RIMBP2: variants seen among roughly 807,000 people sequenced by gnomAD.
The protein encoded by RIMBP2 is RIMS-binding protein 2.
RIMBP2 carries 48 observed loss-of-function variants against 118.6 expected under a neutral mutation model. The ratio of observed to expected loss-of-function variants is 0.40; its 90% confidence interval spans 0.32 to 0.51. The LOEUF is 0.51. Among genes scored for constraint, RIMBP2 ranks in the 20% least tolerant of loss-of-function variants. RIMBP2 has a pLI of 0.41. For missense variants in RIMBP2, 1,551 were observed against 1,768.3 expected (o/e 0.88, Z 2.20); for synonymous variants, 762 against 742.9 (o/e 1.03, Z -0.42).
chr12:130,465,292 A>C (rs2080360738), intron 6 of RIMBP2: 1 of 152,254 alleles, frequency 6.6e-6, no homozygotes, highest in South Asian at 2.1e-4. Flanking sequence ...CTGAGGTTCA[A>C]TGCCTCGCTC....
chr12:130,583,463 C>G (rs1383153007), intron 2 of RIMBP2, among the ~76,000 whole-genome samples: 2 of 125,676 alleles, frequency 1.6e-5, no homozygotes, highest in African/African-American at 5.2e-5. Context: ...CTATCATGAC[C>G]ATTACATCAC....
intron 2 of RIMBP2, among the ~76,000 whole-genome samples, chr12:130,627,992 G>C (rs1189875434): frequency 6.6e-6 from 1 of 152,178 alleles, no homozygotes; most frequent in Non-Finnish European, 1.5e-5. Context: ...TTGAGATTTA[G>C]AATCAATACC....
chr12:130,464,849 C>G (rs2080318136), intron 6 of RIMBP2, among the ~76,000 whole-genome samples: 1 of 152,248 alleles, frequency 6.6e-6, no homozygotes, highest in African/African-American at 2.4e-5. Context: ...AGCCTCTGAA[C>G]AAGAGCCAGG....
intron 4 of RIMBP2, among the ~76,000 whole-genome samples, chr12:130,492,488 C>T (rs1388623123): frequency 6.6e-6 from 1 of 152,110 alleles, no homozygotes; most frequent in Non-Finnish European, 1.5e-5. Context: ...GTTGATTGGT[C>T]TTTGATCCTA....
chr12:130,571,976 G>A (rs1009365164), intron 2 of RIMBP2, among the ~76,000 whole-genome samples: 1 of 152,196 alleles, frequency 6.6e-6, no homozygotes, highest in African/African-American at 2.4e-5. Context: ...GCCTGTCCCG[G>A]CGCCCTCGGT....
chr12:130,399,354 T>C (rs777229994), intron 22 of RIMBP2, among the ~76,000 whole-genome samples: 99 of 152,294 alleles, frequency 6.5e-4, no homozygotes, highest in Non-Finnish European at 1.2e-3. Flanking sequence ...TAACCTCCAT[T>C]GCCCACCAAA....
chr12:130,639,491 A>C (rs1271986291), intron 1 of RIMBP2, among the ~76,000 whole-genome samples: 1 of 27,058 alleles, frequency 3.7e-5, no homozygotes, highest in African/African-American at 6.9e-5. Flanking sequence ...CTGCCTCAAA[A>C]AAAAAAAAAA....
Position 130,475,636 on chromosome 12 carries a change from G to A in RIMBP2, c.102+3276C>T, listed in dbSNP as rs2081364336. On this transcript the variant is annotated intron_variant, in intron 5 of 22. Transcript: ENST00000690449. This position sits in a 1 kb window ranked among gnomAD's most constrained non-coding sequence, Gnocchi z 4.1. ...AGGCGGGCGTCTCCAAGGGGAAAAT[G>A]GAATCAGAAGCCCCCCAGAGGACTG... Among the ~76,000 whole-genome samples the A allele has an allele frequency of 6.6e-6, 1 of 152,114 alleles. No homozygotes were observed. Among genetic ancestry groups the A allele is most frequent in the Non-Finnish European group, 1.5e-5 (1 of 68,036 alleles).
chr12:130,442,602 C>T lies in RIMBP2; in HGVS notation c.750G>A (p.Gln250=). 6.2e-7 allele frequency: 1 copy of T among 1,614,222 alleles called. No homozygotes were observed. The highest frequency in any genetic ancestry group is 8.5e-7 in the Non-Finnish European group (1 of 1,180,042). ...TGCTTGCCAACCGCGACTCGTTGTC[C>T]TGCACAAAGTCCACGAAGTTGGAGG... is the stretch of plus-strand genomic sequence containing the variant. ...LVPSNFVDFV[Q]DNESRLASTL... is the part of the protein sequence containing the mutation. Residue 250 remains glutamine (Q), a synonymous_variant, in exon 11 of 23, where the codon CAG becomes CAA. Coordinates refer to ENST00000690449, the MANE Select transcript of RIMBP2 (RefSeq NM_001393629.1). This position sits in a 1 kb window ranked among gnomAD's most constrained non-coding sequence, Gnocchi z 6.9.
At chr12:130,610,465 A>G (rs562380411) in intron 2 of RIMBP2, among the ~76,000 whole-genome samples, 1 of 152,150 alleles carries the variant, frequency 6.6e-6, no homozygotes, top group South Asian at 2.1e-4. Flanking sequence ...ATAAATAAAA[A>G]CAAAAGGATA....
chr12:130,497,251 T>A (rs1566146758), intron 4 of RIMBP2, among the ~76,000 whole-genome samples: 1 of 152,166 alleles, frequency 6.6e-6, no homozygotes. Context: ...TGGGTGGACA[T>A]GACTGTGGGG....
At chr12:130,666,300 C>G (rs2063913438) in intron 1 of RIMBP2, among the ~76,000 whole-genome samples, 2 of 152,088 alleles carry the variant, frequency 1.3e-5, no homozygotes, top group African/African-American at 4.8e-5. Flanking sequence ...ATGGCACACC[C>G]CTCGCTTCTA....
chr12:130,625,455 C>T (rs1036215284), intron 2 of RIMBP2, among the ~76,000 whole-genome samples: 1 of 152,216 alleles, frequency 6.6e-6, no homozygotes, highest in Non-Finnish European at 1.5e-5. Flanking sequence ...CTAACTTCCT[C>T]CAGACTGGAG....
intron 1 of RIMBP2, among the ~76,000 whole-genome samples, chr12:130,664,218 G>C (rs1387350175): frequency 1.3e-5 from 2 of 151,596 alleles, no homozygotes; most frequent in African/African-American, 4.9e-5. Context: ...ATAGAATCCA[G>C]GTTTCTCAGT....
chr12:130,502,172 G>A (rs1370733593), intron 4 of RIMBP2, among the ~76,000 whole-genome samples: 1 of 152,158 alleles, frequency 6.6e-6, no homozygotes, highest in East Asian at 1.9e-4. Context: ...GGCCACCCAG[G>A]TGCATGAAGC....
At chr12:130,468,078 C>T (rs1014876976) in intron 6 of RIMBP2, among the ~76,000 whole-genome samples, 1 of 152,210 alleles carries the variant, frequency 6.6e-6, no homozygotes, top group African/African-American at 2.4e-5. Flanking sequence ...AGGACACAAA[C>T]ACCTAGACAT....
At chr12:130,401,220 A>G (rs1446365981) in intron 21 of RIMBP2, among the ~76,000 whole-genome samples, 3 of 152,084 alleles carry the variant, frequency 2.0e-5, no homozygotes, top group African/African-American at 7.2e-5. Context: ...GGTTCAAGCA[A>G]TTCTCCCACC....
chr12:130,542,048 C>G (rs1176540487), intron 2 of RIMBP2, among the ~76,000 whole-genome samples: 2 of 150,734 alleles, frequency 1.3e-5, no homozygotes, highest in African/African-American at 2.4e-5. Context: ...GAAGGCAAAA[C>G]CCCTATCATA....
chr12:130,577,825 C>A (rs1172953204), intron 2 of RIMBP2, among the ~76,000 whole-genome samples: 2 of 152,176 alleles, frequency 1.3e-5, no homozygotes, highest in South Asian at 4.1e-4. Context: ...CACCCGCCAA[C>A]CCTCAGAGCT....
Sources: allele counts gnomAD v4.1 joint callset (sites outside exome capture counted in the v4.1 genomes callset), GRCh38; gene constraint gnomAD v4.1.1; non-coding constraint Gnocchi (gnomAD v3.1); transcripts MANE v1.5; gene names NCBI Gene and HGNC (gene_info 2026-07-23, HGNC 2026-07-21).